Variants in FAM149B1 observed in about 807,000 individuals in gnomAD.
FAM149B1 encodes the protein primary cilium assembly protein FAM149B1.
In FAM149B1, 56 loss-of-function variants were observed where a neutral mutation model predicts 75.3. The observed-to-expected ratio is 0.74, with a 90% CI of 0.60 to 0.93. The LOEUF (loss-of-function observed/expected upper bound fraction) is 0.93. Ranked by LOEUF, FAM149B1 falls within the 40% of genes least tolerant of loss-of-function variation. FAM149B1 has a pLI of 0.00. For missense variants in FAM149B1, 639 were observed against 708.4 expected, an observed-to-expected ratio of 0.90 and a Z score of 1.11; for synonymous variants, 259 against 256.1, an observed-to-expected ratio of 1.01 and a Z score of -0.11.
At chr10:73,176,250 G>A (rs1843960897) in intron 2 of FAM149B1, among the ~76,000 whole-genome samples, 1 of 152,018 alleles carries the variant, frequency 6.6e-6, no homozygotes, top group African/African-American at 2.4e-5. Context: ...CTGACAGAAG[G>A]CAGAGCTCAG....
chr10:73,218,115 TA>T (rs1172466793), intron 7 of FAM149B1, among the ~76,000 whole-genome samples: 2 of 152,094 alleles, frequency 1.3e-5, no homozygotes, highest in Non-Finnish European at 2.9e-5. Flanking sequence ...AGGCAAAGGA[TA>T]ATAGTTATAG....
chr10:73,186,495 AAG>A (rs1280136985), intron 3 of FAM149B1, among the ~76,000 whole-genome samples: 4 of 152,196 alleles, frequency 2.6e-5, no homozygotes, highest in African/African-American at 7.2e-5. Flanking sequence ...CAACAAGACA[AAG>A]AGAGGCATTC....
chr10:73,235,225 T>C lies in FAM149B1; in HGVS notation c.1509T>C (p.Ser503=). The C allele has an allele frequency of 6.4e-7, 1 of 1,551,746 alleles. No individual in the cohort carries two copies. Among genetic ancestry groups the C allele is most frequent in the Non-Finnish European group, 8.7e-7 (1 of 1,146,972 alleles). ...KPHGDSSRAQ[S]AVVDEPNYQQ... ...ATGGCGACTCTAGTCGAGCTCAAAGTGCGGTGGTGGATGAACCTAACTATC... is the reference window on the plus strand; with the variant it reads ...ATGGCGACTCTAGTCGAGCTCAAAGCGCGGTGGTGGATGAACCTAACTATC... Residue 503 remains serine (S), a synonymous_variant, in exon 12 of 14, where the codon AGT becomes AGC. Coordinates refer to ENST00000242505, the MANE Select transcript of FAM149B1 (RefSeq NM_173348.2).
intron 1 of FAM149B1, among the ~76,000 whole-genome samples, chr10:73,170,453 G>A (rs929413686): frequency 3.3e-5 from 5 of 150,814 alleles, no homozygotes; most frequent in Middle Eastern, 3.4e-3. Context: ...GCCGTGAGCC[G>A]AGATCACACC....
At chr10:73,200,792 G>C (rs760065252) in intron 5 of FAM149B1, 8 of 477,448 alleles carry the variant, frequency 1.7e-5, no homozygotes, top group Non-Finnish European at 2.5e-5. Context: ...ATGGAAGTTG[G>C]ATATACTTTG....
chr10:73,176,553 A>G (rs569992137), intron 2 of FAM149B1, among the ~76,000 whole-genome samples: 2 of 152,310 alleles, frequency 1.3e-5, no homozygotes, highest in East Asian at 1.9e-4. Flanking sequence ...CAGAACTTCT[A>G]TTAGTGTCTG....
intron 9 of FAM149B1, 53 bp from the exon 10 acceptor site, chr10:73,232,886 T>C (rs2043738523): frequency 1.8e-6 from 2 of 1,101,938 alleles, no homozygotes; most frequent in Non-Finnish European, 1.4e-6. Context: ...TAGTCTTGTC[T>C]TCCTTGACAT....
At chr10:73,213,981 A>G (rs913285140) in intron 7 of FAM149B1, among the ~76,000 whole-genome samples, 19 of 152,104 alleles carry the variant, frequency 1.2e-4, no homozygotes, top group African/African-American at 2.4e-5. Context: ...TGTTTGTATC[A>G]TCTATGAATT....
chr10:73,185,959 A>G (rs1043001575), intron 3 of FAM149B1, among the ~76,000 whole-genome samples: 1 of 152,206 alleles, frequency 6.6e-6, no homozygotes, highest in African/African-American at 2.4e-5. Flanking sequence ...CTATGAAGCC[A>G]GTATGACCTT....
chr10:73,226,556 T>A (rs927001524), intron 7 of FAM149B1, among the ~76,000 whole-genome samples: 3 of 152,192 alleles, frequency 2.0e-5, no homozygotes, highest in African/African-American at 7.2e-5. Context: ...GACCACTGGG[T>A]CTGACACTAA....
chr10:73,244,151 A>C lies in FAM149B1; in HGVS notation c.*3132A>C, dbSNP rs2043982424. On this transcript the variant is annotated 3_prime_UTR_variant, in exon 14 of 14. Coordinates refer to ENST00000242505, the MANE Select transcript of FAM149B1 (RefSeq NM_173348.2). ...TACCATTTGTTTTTTACCCAATTCT[A>C]TTTGCTAGAGGTAGTAAGTACTCTG... 4 of 542,068 alleles carry C rather than the reference A, an allele frequency of 7.4e-6. No individual in the cohort carries two copies. The highest frequency in any genetic ancestry group is 3.9e-5 in the African/African-American group (2 of 51,044). The allele number at this position is 542,068 out of a possible 1,614,324, so 33.6% of individuals were successfully genotyped here.
rs2043664565 is a variant in FAM149B1 at position 73,230,530 on chromosome 10, G to A, written c.1127+5G>A. 4 of 1,429,938 alleles carry A rather than the reference G, an allele frequency of 2.8e-6. No homozygotes were observed. Among genetic ancestry groups the A allele is most frequent in the Non-Finnish European group, 3.9e-6 (4 of 1,036,324 alleles). The allele number at this position is 1,429,938 out of a possible 1,614,324, so 88.6% of individuals were successfully genotyped here. On this transcript the variant is annotated splice_donor_5th_base_variant and intron_variant, in intron 9 of 13. Transcript: ENST00000242505. ...CTCCCTAATGGACAAGCTCCTGTAAGAAGTTCAACATTTTCAGACTATACA... is the reference window on the plus strand; with the variant it reads ...CTCCCTAATGGACAAGCTCCTGTAAAAAGTTCAACATTTTCAGACTATACA...
intron 2 of FAM149B1, among the ~76,000 whole-genome samples, chr10:73,175,015 G>A (rs75029132): frequency 0.051 from 7,713 of 151,978 alleles, 608 homozygotes; most frequent in African/African-American, 0.17. Flanking sequence ...TTAAGAACAC[G>A]GATAATCTGC....
At chr10:73,187,938 C>G (rs911996167) in intron 3 of FAM149B1, among the ~76,000 whole-genome samples, 1 of 151,958 alleles carries the variant, frequency 6.6e-6, no homozygotes, top group Non-Finnish European at 1.5e-5. Context: ...CAAAAATTAG[C>G]TGGGCACGGT....
At chr10:73,201,160 G>A (rs555421808) in intron 5 of FAM149B1, 36 of 273,106 alleles carry the variant, frequency 1.3e-4, no homozygotes, top group African/African-American at 6.3e-4. Context: ...AGGATTCTTC[G>A]TGACACTGAG....
intron 13 of FAM149B1, among the ~76,000 whole-genome samples, chr10:73,240,010 G>C (rs571314274): frequency 6.6e-6 from 1 of 152,120 alleles, no homozygotes; most frequent in African/African-American, 2.4e-5. Flanking sequence ...CTGTAGCCTC[G>C]AACTCCGGGG....
At chr10:73,180,358 G>C (rs2042367410) in intron 3 of FAM149B1, among the ~76,000 whole-genome samples, 2 of 152,170 alleles carry the variant, frequency 1.3e-5, no homozygotes. Flanking sequence ...GGAAAACCAG[G>C]GGGAGAAAAG....
chr10:73,235,077 G>T, intron 11 of FAM149B1, 116 bp from the exon 12 acceptor site: 1 of 1,445,918 alleles, frequency 6.9e-7, no homozygotes, highest in South Asian at 1.3e-5. Context: ...TTTATGACGT[G>T]GAATTGGAGC....
chr10:73,170,621 T>A (rs1391751320), intron 1 of FAM149B1, among the ~76,000 whole-genome samples: 1 of 152,168 alleles, frequency 6.6e-6, no homozygotes, highest in African/African-American at 2.4e-5. Context: ...TGGGATACAA[T>A]AGGCATACAA....
Sources: allele counts gnomAD v4.1 joint callset (sites outside exome capture counted in the v4.1 genomes callset), GRCh38; gene constraint gnomAD v4.1.1; transcripts MANE v1.5; gene names NCBI Gene and HGNC (gene_info 2026-07-23, HGNC 2026-07-21).